The following PKHD1 variants were observed in gnomAD, a reference collection of about 807,000 sequenced individuals.
The protein encoded by PKHD1 is PKHD1 ciliary IPT domain containing fibrocystin/polyductin.
PKHD1 carries 291 observed loss-of-function variants against 412.0 expected under a neutral mutation model. The ratio of observed to expected loss-of-function variants is 0.71; its 90% CI spans 0.64 to 0.78. The LOEUF (loss-of-function observed/expected upper bound fraction) is 0.78, where lower values mean the gene tolerates loss of function less well. Among genes scored for constraint, PKHD1 ranks in the 30% least tolerant of loss-of-function variants. The probability of loss-of-function intolerance (pLI) is 0.00; values close to 1 mark genes in which losing one functional copy is unlikely to be tolerated. For synonymous variants in PKHD1, 1,777 were observed against 1,821.5 expected, an observed-to-expected ratio of 0.98 and a Z score of 0.62; for missense variants, 4,825 against 4,950.7, an observed-to-expected ratio of 0.97 and a Z score of 0.76.
intron 60 of PKHD1, among the ~76,000 whole-genome samples, chr6:51,663,306 T>C (rs1203120205): frequency 2.6e-5 from 4 of 152,152 alleles, no homozygotes; most frequent in Non-Finnish European, 5.9e-5. Context: ...TATAAATCTC[T>C]GGCTTTGTTC....
intron 52 of PKHD1, among the ~76,000 whole-genome samples, chr6:51,816,814 C>T (rs143379637): frequency 3.9e-5 from 6 of 152,216 alleles, no homozygotes; most frequent in African/African-American, 1.4e-4. Flanking sequence ...CCTCTTTGAG[C>T]CTACTGTGGC....
chr6:51,803,339 A>T lies in PKHD1; in HGVS notation c.8303-11966T>A, dbSNP rs1038361236. Among the ~76,000 whole-genome samples, 4 of 151,498 alleles carry T rather than the reference A, an allele frequency of 2.6e-5. 1 individual carries two copies. Among genetic ancestry groups the T allele is most frequent in the African/African-American group, 9.8e-5 (4 of 40,874 alleles). On this transcript the variant is annotated intron_variant, in intron 52 of 66. Coordinates refer to ENST00000371117, the MANE Select transcript of PKHD1 (RefSeq NM_138694.4). Reference sequence around the variant, plus strand: ...GGGTTTCCAAAATATGTTATTTTCCACTTGAATTCGAATATTGTCCCAGAG... The same window carrying T: ...GGGTTTCCAAAATATGTTATTTTCCTCTTGAATTCGAATATTGTCCCAGAG...
rs371421045 is a variant in PKHD1, at chr6:51,747,668, T to C, written c.9829+119A>G. ...TTGTGGCTATCAATACTCAGCAGGT[T>C]GGACAGCAAGCACTAGACCACAATG... On this transcript the variant is annotated intron_variant, in intron 58 of 66. Coordinates refer to ENST00000371117, the MANE Select transcript of PKHD1 (RefSeq NM_138694.4). 4 of 837,458 alleles carry C rather than the reference T, an allele frequency of 4.8e-6. No homozygotes were observed. In the African/African-American group the frequency reaches 6.7e-5, roughly 14 times the overall value. The allele number at this position is 837,458 out of a possible 1,614,324, so 51.9% of individuals were successfully genotyped here.
intron 35 of PKHD1, among the ~76,000 whole-genome samples, chr6:52,006,362 G>A (rs1210993559): frequency 8.1e-5 from 10 of 123,690 alleles, no homozygotes; most frequent in African/African-American, 2.7e-4. Context: ...TTTTGTTGTT[G>A]TTGTTGTTGT....
intron 11 of PKHD1, among the ~76,000 whole-genome samples, chr6:52,067,496 A>G (rs563989211): frequency 2.6e-5 from 4 of 152,346 alleles, no homozygotes; most frequent in African/African-American, 9.6e-5. Flanking sequence ...CGAGAAGATC[A>G]GCATGGTAAG....
intron 51 of PKHD1, among the ~76,000 whole-genome samples, chr6:51,832,395 T>G (rs1420152814): frequency 6.6e-6 from 1 of 151,816 alleles, no homozygotes; most frequent in Admixed American, 6.6e-5. Flanking sequence ...GGAAGTCAAG[T>G]GGAGGAATGA....
At chr6:51,844,490 C>T (rs538013305) in intron 50 of PKHD1, among the ~76,000 whole-genome samples, 2 of 152,292 alleles carry the variant, frequency 1.3e-5, no homozygotes, top group East Asian at 1.9e-4. Flanking sequence ...CTAGCACCCC[C>T]GCCATCCTTT....
intron 60 of PKHD1, among the ~76,000 whole-genome samples, chr6:51,670,484 G>A (rs994713021): frequency 3.3e-5 from 5 of 151,396 alleles, no homozygotes; most frequent in African/African-American, 7.3e-5. Context: ...ACACTGATGG[G>A]TCTTGACTCT....
intron 55 of PKHD1, among the ~76,000 whole-genome samples, chr6:51,769,809 TC>T: frequency 6.6e-6 from 1 of 151,732 alleles, no homozygotes; most frequent in South Asian, 2.1e-4. Context: ...GATGACATGT[TC>T]TATAATATCT....
intron 33 of PKHD1, among the ~76,000 whole-genome samples, chr6:52,018,142 T>C (rs957465500): frequency 6.6e-6 from 1 of 152,236 alleles, no homozygotes; most frequent in Admixed American, 6.5e-5. Context: ...ACATTTTCAC[T>C]GCTGTTCAAT....
chr6:51,956,854 G>A (rs1791225312), intron 36 of PKHD1, among the ~76,000 whole-genome samples: 1 of 152,026 alleles, frequency 6.6e-6, no homozygotes, highest in South Asian at 2.1e-4. Flanking sequence ...AAGAGCTAGA[G>A]CAGAGTGAAT....
chr6:51,624,176 C>T (rs1203358790), intron 66 of PKHD1, among the ~76,000 whole-genome samples: 1 of 152,108 alleles, frequency 6.6e-6, no homozygotes, highest in Non-Finnish European at 1.5e-5. Context: ...CCACCTCGGC[C>T]TCCTGAATAG....
chr6:51,758,261 T>C (rs1001389493), intron 55 of PKHD1, among the ~76,000 whole-genome samples: 1 of 152,098 alleles, frequency 6.6e-6, no homozygotes, highest in Non-Finnish European at 1.5e-5. Context: ...GTTCTATACA[T>C]CATGAGAACC....
At chr6:51,676,125 A>G (rs1490333809) in intron 60 of PKHD1, among the ~76,000 whole-genome samples, 1 of 151,566 alleles carries the variant, frequency 6.6e-6, no homozygotes, top group East Asian at 2.0e-4. Flanking sequence ...TCTAACATAT[A>G]TTAACTTTGT....
At chr6:51,706,089 T>C (rs186359134) in intron 60 of PKHD1, among the ~76,000 whole-genome samples, 36 of 152,226 alleles carry the variant, frequency 2.4e-4, no homozygotes, top group Admixed American at 1.3e-3. Context: ...TGTATAATCA[T>C]AGAAGTAAAG....
chr6:52,070,442 G>C lies in PKHD1; in HGVS notation c.671C>G (p.Ser224Cys), dbSNP rs924577824. ...QCHVEGDYIG[S>C]QNVSFSVFNK... Reference sequence around the variant, plus strand: ...AAATACTGAGAAGCTAACATTCTGGGAGCCTGTAACACAAAGAAACACACA... The same window carrying C: ...AAATACTGAGAAGCTAACATTCTGGCAGCCTGTAACACAAAGAAACACACA... The change falls in exon 10 of 67, where the codon TCC becomes TGC. Residue 224 changes from serine (S) to cysteine (C), a missense_variant. Coordinates refer to ENST00000371117, the MANE Select transcript of PKHD1 (RefSeq NM_138694.4). 1.2e-6 allele frequency: 2 copies of C among 1,609,936 alleles called. No homozygotes were observed. The highest frequency in any genetic ancestry group is 1.7e-6 in the Non-Finnish European group (2 of 1,176,582).
intron 11 of PKHD1, 24 bp downstream of exon 11, chr6:52,069,433 G>A (rs371556277): frequency 8.4e-6 from 13 of 1,553,388 alleles, no homozygotes; most frequent in African/African-American, 1.4e-5. Flanking sequence ...AAGGGAAGGG[G>A]TACTTGGTGA....
At chr6:52,072,773 T>C (rs1810825435) in intron 7 of PKHD1, among the ~76,000 whole-genome samples, 1 of 152,180 alleles carries the variant, frequency 6.6e-6, no homozygotes. Flanking sequence ...ATGTATGGAA[T>C]CTATGCAGCT....
At chr6:51,928,285 A>G (rs1327079066) in intron 37 of PKHD1, among the ~76,000 whole-genome samples, 2 of 152,190 alleles carry the variant, frequency 1.3e-5, no homozygotes, top group East Asian at 1.9e-4. Context: ...CTGGAAAGCT[A>G]TTGGTAACCA....
Sources: gnomAD v4.1 joint callset for allele counts (sites outside exome capture counted in the v4.1 genomes callset) on GRCh38, gnomAD v4.1.1 for gene constraint, MANE v1.5 for transcripts, NCBI Gene and HGNC (gene_info 2026-07-23, HGNC 2026-07-21) for gene names.